The following TRDN variants were observed in gnomAD, a reference collection of about 807,000 sequenced individuals.
TRDN encodes triadin in skeletal muscle.
TRDN carries 161 observed loss-of-function variants against 149.7 expected under a neutral mutation model. That is an observed-to-expected ratio of 1.08 (90% CI 0.95 to 1.23). The LOEUF (loss-of-function observed/expected upper bound fraction) is 1.23. TRDN is among the 50% of genes most tolerant of loss of function. The pLI is 0.00. For synonymous variants in TRDN, 294 were observed against 250.5 expected (o/e 1.17, Z -1.64); for missense variants, 896 against 823.5 (o/e 1.09, Z -1.08).
At chr6:123,413,027 T>C (rs535907897) in intron 12 of TRDN, among the ~76,000 whole-genome samples, 2 of 151,974 alleles carry the variant, frequency 1.3e-5, no homozygotes, top group South Asian at 4.1e-4. Context: ...TGGTGGACAA[T>C]GAAAAAATCA....
At chr6:123,539,851 T>C (rs1001325352) in intron 4 of TRDN, among the ~76,000 whole-genome samples, 1 of 152,318 alleles carries the variant, frequency 6.6e-6, no homozygotes, top group Admixed American at 6.5e-5. Flanking sequence ...ATTCCCTATT[T>C]ATAGCATTAC....
chr6:123,255,263 T>A (rs1776518594), intron 36 of TRDN, 138 bp from the exon 37 acceptor site: 2 of 402,332 alleles, frequency 5.0e-6, no homozygotes, highest in African/African-American at 4.1e-5. Flanking sequence ...AATTTTTCTA[T>A]CCAACTGGTA....
intron 38 of TRDN, among the ~76,000 whole-genome samples, chr6:123,244,673 A>G (rs952492792): frequency 6.6e-6 from 1 of 152,132 alleles, no homozygotes; most frequent in African/African-American, 2.4e-5. Flanking sequence ...AACACACTTC[A>G]TGATATTATC....
intron 1 of TRDN, among the ~76,000 whole-genome samples, chr6:123,574,848 TTATATATACATATATATATATATA>T (rs1467761054): frequency 9.8e-6 from 1 of 102,538 alleles, no homozygotes; most frequent in African/African-American, 3.8e-5. Context: ...GAACATGAAT[TTATATATACATATATATATATATA>T]TATATATATA....
In TRDN at chr6:123,528,873, C is replaced by T. The variant is rs1177675505; in HGVS notation, c.484+1633G>A. ...TGGAGCAACTGAAGCTCTACTTTCA[C>T]TTTCTTAAGAAATAGTTACTTTTAC... On this transcript the variant is annotated intron_variant, in intron 5 of 40. Transcript: ENST00000334268. The T allele has an allele frequency of 6.8e-6, 7 of 1,027,564 alleles. No individual in the cohort carries two copies. In the Admixed American group the frequency reaches 3.6e-4, roughly 52 times the overall value. The allele number at this position is 1,027,564 out of a possible 1,614,324, so 63.7% of individuals were successfully genotyped here.
intron 9 of TRDN, among the ~76,000 whole-genome samples, chr6:123,483,109 T>C (rs1270708655): frequency 2.1e-5 from 3 of 143,340 alleles, no homozygotes; most frequent in African/African-American, 7.8e-5. Context: ...ATTATTATTA[T>C]TATTATTATT....
intron 12 of TRDN, among the ~76,000 whole-genome samples, chr6:123,394,307 TA>T (rs67932192): frequency 0.013 from 1,897 of 151,514 alleles, 37 homozygotes; most frequent in African/African-American, 0.043. Context: ...AAGGATTTAT[TA>T]AAAAAAAACT....
At chr6:123,219,967 T>C (rs1239773845) in intron 40 of TRDN, among the ~76,000 whole-genome samples, 2 of 151,850 alleles carry the variant, frequency 1.3e-5, no homozygotes. Flanking sequence ...ATTTATTTAA[T>C]TGATGTTGAA....
chr6:123,349,763 T>C, intron 21 of TRDN: 1 of 984,550 alleles, frequency 1.0e-6, no homozygotes. Context: ...AAGTATGGAA[T>C]AAATCTACAA....
At chr6:123,386,805 TC>T in intron 14 of TRDN, among the ~76,000 whole-genome samples, 1 of 152,304 alleles carries the variant, frequency 6.6e-6, no homozygotes, top group East Asian at 1.9e-4. Context: ...TTGGGCTTCA[TC>T]CTTTTTGGTG....
At chr6:123,307,982 T>C (rs1210459838) in intron 24 of TRDN, among the ~76,000 whole-genome samples, 4 of 152,010 alleles carry the variant, frequency 2.6e-5, no homozygotes, top group Non-Finnish European at 5.9e-5. Context: ...TATCACCCAA[T>C]AGTTAGTTTC....
intron 1 of TRDN, among the ~76,000 whole-genome samples, chr6:123,611,798 G>A (rs1784823694): frequency 6.6e-6 from 1 of 152,090 alleles, no homozygotes; most frequent in South Asian, 2.1e-4. Context: ...AATCAAGGCT[G>A]GCATTCCATC....
chr6:123,502,671 C>T (rs915021725), intron 8 of TRDN: 10 of 984,422 alleles, frequency 1.0e-5, no homozygotes, highest in East Asian at 2.3e-4. Context: ...TTTCATCCTC[C>T]AAATAGCCTG....
intron 12 of TRDN, among the ~76,000 whole-genome samples, chr6:123,400,174 T>TATATATATATATATATATATAC (rs1237832955): frequency 2.0e-5 from 3 of 146,562 alleles, no homozygotes; most frequent in African/African-American, 7.4e-5. Context: ...TGTGTATATA[T>TATATATATATATATATATATAC]ATATATATAT....
In TRDN at chr6:123,519,621, A is replaced by G. The variant is rs948308825; in HGVS notation, c.485-3415T>C. ...CAAAATTTGTAAAGTACTGATTTGTATAGGCTACTACATTCTTCAATTGAT... is the reference window on the plus strand; with the variant it reads ...CAAAATTTGTAAAGTACTGATTTGTGTAGGCTACTACATTCTTCAATTGAT... On this transcript the variant is annotated intron_variant, in intron 5 of 40. Transcript: ENST00000334268. Among the ~76,000 whole-genome samples the G allele has an allele frequency of 1.1e-4, 17 of 151,820 alleles. 1 individual carries two copies. The highest frequency in any genetic ancestry group is 9.2e-4 in the Admixed American group (14 of 15,212).
intron 13 of TRDN, among the ~76,000 whole-genome samples, chr6:123,389,963 T>G (rs548744847): frequency 6.6e-6 from 1 of 152,208 alleles, no homozygotes; most frequent in African/African-American, 2.4e-5. Flanking sequence ...ACAGACTTTG[T>G]TGTTGATTCT....
At chr6:123,517,255 T>C (rs1779456150) in intron 5 of TRDN, among the ~76,000 whole-genome samples, 1 of 152,070 alleles carries the variant, frequency 6.6e-6, no homozygotes, top group Non-Finnish European at 1.5e-5. Context: ...GAGAAGAAAT[T>C]AGCCTAGTAA....
intron 11 of TRDN, 84 bp from the exon 12 acceptor site, chr6:123,438,206 T>TGC: frequency 1.1e-6 from 1 of 917,148 alleles, no homozygotes; most frequent in Non-Finnish European, 1.7e-6. Context: ...CAGTGAGGCA[T>TGC]CTAATTTATC....
intron 37 of TRDN, among the ~76,000 whole-genome samples, chr6:123,253,888 A>T (rs1027703285): frequency 1.3e-5 from 2 of 152,138 alleles, no homozygotes; most frequent in African/African-American, 2.4e-5. Flanking sequence ...TGATTGGCAG[A>T]AAACTTTCTC....
Sources: allele counts gnomAD v4.1 joint callset (sites outside exome capture counted in the v4.1 genomes callset), GRCh38; gene constraint gnomAD v4.1.1; transcripts MANE v1.5; gene names NCBI Gene and HGNC (gene_info 2026-07-23, HGNC 2026-07-21).